ARHGEF9: variants seen among roughly 807,000 people sequenced by gnomAD.
ARHGEF9 encodes the protein rho guanine nucleotide exchange factor 9.
In ARHGEF9, 2 loss-of-function variants were observed where a neutral mutation model predicts 41.3. The observed-to-expected ratio is 0.05, with a 90% CI of 0.02 to 0.15. The LOEUF (loss-of-function observed/expected upper bound fraction) is 0.15, where lower values mean the gene tolerates loss of function less well. Among genes scored for constraint, ARHGEF9 ranks in the 10% least tolerant of loss-of-function variants. The pLI, the probability that ARHGEF9 is intolerant of heterozygous loss-of-function variation, is 1.00. For synonymous variants in ARHGEF9, 160 were observed against 154.4 expected, an observed-to-expected ratio of 1.04 and a Z score of -0.27; for missense variants, 225 against 424.7, an observed-to-expected ratio of 0.53 and a Z score of 4.13.
At chrX:63,639,030 G>A (rs1556302424) in intron 9 of ARHGEF9, among the ~76,000 whole-genome samples, 1 of 112,260 alleles carries the variant, frequency 8.9e-6, no homozygotes, top group African/African-American at 3.2e-5. Context: ...GTTTAATCCT[G>A]ATCTACATTC....
At chrX:63,681,283 A>C (rs2050605558) in intron 4 of ARHGEF9, among the ~76,000 whole-genome samples, 1 of 112,022 alleles carries the variant, frequency 8.9e-6, no homozygotes, top group Non-Finnish European at 1.9e-5. Flanking sequence ...ACCCACGCAG[A>C]CAGGCTATCA....
intron 1 of ARHGEF9, among the ~76,000 whole-genome samples, chrX:63,729,004 T>G (rs1404897926): frequency 9.0e-6 from 1 of 110,773 alleles, no homozygotes; most frequent in African/African-American, 3.3e-5. Flanking sequence ...GCTAAAAAGG[T>G]GAGTGAAGTC....
At chrX:63,679,014 T>A (rs1472436659) in intron 4 of ARHGEF9, among the ~76,000 whole-genome samples, 2 of 111,762 alleles carry the variant, frequency 1.8e-5, no homozygotes, top group Non-Finnish European at 3.8e-5. Context: ...TTTGAAGGAA[T>A]CACACAATCC....
At chrX:63,730,947 C>T (rs782046407) in intron 1 of ARHGEF9, among the ~76,000 whole-genome samples, 2 of 112,199 alleles carry the variant, frequency 1.8e-5, no homozygotes, top group African/African-American at 3.2e-5. Flanking sequence ...ACTTCTTGTT[C>T]TTCCCCTCTA....
chrX:63,755,445 G>A (rs1305250626), intron 1 of ARHGEF9: 2 of 281,144 alleles, frequency 7.1e-6, no homozygotes, highest in Non-Finnish European at 6.1e-6. Flanking sequence ...AAGAGGGAGG[G>A]AAGGGACCCA....
chrX:63,682,448 G>A (rs2050709435), intron 4 of ARHGEF9, among the ~76,000 whole-genome samples: 3 of 109,867 alleles, frequency 2.7e-5, no homozygotes, highest in Non-Finnish European at 5.7e-5. Flanking sequence ...CCAGGAGGTG[G>A]AGCTTGCAGT....
intron 9 of ARHGEF9, chrX:63,642,823 G>A (rs782727799): frequency 1.8e-5 from 2 of 111,480 alleles, no homozygotes; most frequent in Admixed American, 1.9e-4. Context: ...CAGTGAACAT[G>A]GCTATCAGTA....
chrX:63,699,120 C>T (rs782365248), intron 3 of ARHGEF9, among the ~76,000 whole-genome samples: 2 of 111,649 alleles, frequency 1.8e-5, no homozygotes, highest in South Asian at 3.8e-4. Context: ...CATCTCTGGA[C>T]GTGTCTTAGC....
Position 63,665,965 on chromosome X carries a change from G to A in ARHGEF9, c.998C>T (p.Ala333Val). ...GCGGCCGTAGGGCTGGTAGATCCAG[G>A]CCATCTCCCCAGTGTAGATCAGCTC... ...SSELIYTGEM[A>V]WIYQPYGRNQ... Residue 333 changes from alanine (A) to valine (V), a missense_variant, in exon 7 of 10, where the codon GCC (alanine) becomes GTC (valine). Transcript: ENST00000671741. 1 of 1,210,344 alleles carries A rather than the reference G, an allele frequency of 8.3e-7. No individual in the cohort carries two copies. Among genetic ancestry groups the A allele is most frequent in the Non-Finnish European group, 1.1e-6 (1 of 895,236 alleles).
intron 6 of ARHGEF9, among the ~76,000 whole-genome samples, chrX:63,669,866 A>C (rs2049830068): frequency 8.9e-6 from 1 of 112,063 alleles, no homozygotes. Context: ...AATCAATGAG[A>C]GTGGAAACTT....
intron 4 of ARHGEF9, among the ~76,000 whole-genome samples, chrX:63,694,700 G>A (rs782161238): frequency 2.7e-5 from 3 of 111,970 alleles, no homozygotes; most frequent in Non-Finnish European, 5.6e-5. Context: ...AGGAGTAGGG[G>A]CACAGATTGT....
At chrX:63,717,179 T>C (rs1465257684) in intron 2 of ARHGEF9, among the ~76,000 whole-genome samples, 3 of 112,416 alleles carry the variant, frequency 2.7e-5, no homozygotes, top group Non-Finnish European at 5.6e-5. Flanking sequence ...CAATCCATTC[T>C]TGGGTTCCTA....
At chrX:63,727,304 C>T (rs1183696021) in intron 1 of ARHGEF9, 4 of 111,620 alleles carry the variant, frequency 3.6e-5, no homozygotes, top group Middle Eastern at 8.5e-3. Context: ...GAACTCCATG[C>T]CTGGCTTTTC....
chrX:63,687,733 C>T (rs1173214149), intron 4 of ARHGEF9, among the ~76,000 whole-genome samples: 1 of 109,497 alleles, frequency 9.1e-6, no homozygotes, highest in Non-Finnish European at 1.9e-5. Context: ...CTGAAAAATA[C>T]ATGGGATGGT....
chrX:63,679,312 C>T (rs781947344), intron 4 of ARHGEF9, among the ~76,000 whole-genome samples: 1 of 111,074 alleles, frequency 9.0e-6, no homozygotes, highest in African/African-American at 3.3e-5. Context: ...ATTTTTCAAC[C>T]TTTCCATAAG....
intron 1 of ARHGEF9, 123 bp downstream of exon 1, chrX:63,784,993 G>A: frequency 1.2e-6 from 1 of 860,711 alleles, no homozygotes; most frequent in East Asian, 3.6e-5. Context: ...TCTCAAGGAC[G>A]GCGGCTAGGG....
At chrX:63,735,859 A>C (rs1556422586) in intron 1 of ARHGEF9, among the ~76,000 whole-genome samples, 1 of 111,849 alleles carries the variant, frequency 8.9e-6, no homozygotes. Flanking sequence ...ACAGCCCATC[A>C]AAAAGTGGAA....
rs138177137 is a variant in ARHGEF9 at position 63,729,911 on chromosome X, C to A, written c.31-5200G>T. ...TTAAAGACAGAATAGGATATTATTT[C>A]TTTGTATCCAGATTTCCGAAGACAA... On this transcript the variant is annotated intron_variant, in intron 1 of 9. Coordinates refer to ENST00000671741, the MANE Select transcript of ARHGEF9 (RefSeq NM_001353921.2). Among the ~76,000 whole-genome samples, 47 of 112,477 alleles carry A rather than the reference C, an allele frequency of 4.2e-4. No homozygotes were observed. The East Asian group carries it at 5.0e-3, about 12-fold the overall frequency.
At chrX:63,656,950 G>C (rs2048913099) in intron 7 of ARHGEF9, 1 of 111,973 alleles carries the variant, frequency 8.9e-6, no homozygotes, top group Non-Finnish European at 1.9e-5. Flanking sequence ...TAGAGGGATG[G>C]AAGAAATGAC....
Sources: allele counts gnomAD v4.1 joint callset (sites outside exome capture counted in the v4.1 genomes callset), GRCh38; gene constraint gnomAD v4.1.1; transcripts MANE v1.5; gene names NCBI Gene and HGNC (gene_info 2026-07-23, HGNC 2026-07-21).